The following ZNF664 variants were observed in gnomAD, a reference collection of about 807,000 sequenced individuals.
ZNF664 encodes zinc finger Organ of Corti 1.
In ZNF664, 10 loss-of-function variants were observed where a neutral mutation model predicts 18.2. The observed-to-expected ratio is 0.55, with a 90% confidence interval of 0.34 to 0.93. The LOEUF (loss-of-function observed/expected upper bound fraction) is 0.93, where lower values mean the gene tolerates loss of function less well. Among genes scored for constraint, ZNF664 ranks in the 40% least tolerant of loss-of-function variants. ZNF664 has a pLI of 0.02. For missense variants in ZNF664, 193 were observed against 319.0 expected, an observed-to-expected ratio of 0.61 and a Z score of 3.01; for synonymous variants, 119 against 104.2, an observed-to-expected ratio of 1.14 and a Z score of -0.86.
chr12:123,984,163 G>A (rs1391478657), intron 2 of ZNF664, among the ~76,000 whole-genome samples: 4 of 152,196 alleles, frequency 2.6e-5, no homozygotes, highest in African/African-American at 9.7e-5. Context: ...GCAGAGGAGA[G>A]GGGAGATGGA....
In ZNF664 at chr12:124,013,464, A is replaced by G. The variant is rs1013842659; in HGVS notation, c.*534A>G. 5.9e-6 allele frequency: 1 copy of G among 170,476 alleles called. No individual in the cohort carries two copies. The highest frequency in any genetic ancestry group is 2.4e-5 in the African/African-American group (1 of 41,468). 10.6% of individuals were successfully genotyped at this position (170,476 alleles called of 1,614,324 possible). A position where few individuals can be genotyped will look rare whatever the true frequency, so the allele number is the denominator to read the frequency against. On this transcript the variant is annotated 3_prime_UTR_variant, in exon 5 of 5. Coordinates refer to ENST00000337815, the MANE Select transcript of ZNF664 (RefSeq NM_152437.3). The stretch of plus-strand genomic sequence containing the variant: ...TATTATTTCTGAATATATGTCCTCA[A>G]AATCCCCATAAATATCCATCCCTTC...
intron 3 of ZNF664, among the ~76,000 whole-genome samples, chr12:123,994,904 G>A (rs1956929995): frequency 2.0e-5 from 3 of 152,222 alleles, no homozygotes; most frequent in Admixed American, 2.0e-4. Context: ...TATAAATTGT[G>A]AGAACATGTT....
At chr12:123,978,019 G>A (rs1204472511) in intron 2 of ZNF664, among the ~76,000 whole-genome samples, 1 of 152,152 alleles carries the variant, frequency 6.6e-6, no homozygotes, top group East Asian at 1.9e-4. Context: ...CCACTTTGCA[G>A]GTGTTATGAG....
intron 2 of ZNF664, among the ~76,000 whole-genome samples, chr12:123,984,432 A>T (rs1956801404): frequency 6.6e-6 from 1 of 152,208 alleles, no homozygotes; most frequent in East Asian, 1.9e-4. Context: ...AATCTGGAAA[A>T]ATCAGTCTTT....
In ZNF664 at chr12:124,012,225, T is replaced by A. The variant is rs1158084447; in HGVS notation, c.81T>A (p.Ala27=). 1.9e-6 allele frequency: 3 copies of A among 1,614,186 alleles called. No homozygotes were observed. Among genetic ancestry groups the A allele is most frequent in the Non-Finnish European group, 2.5e-6 (3 of 1,180,040 alleles). Residue 27 remains alanine (A), a synonymous_variant, in exon 5 of 5, where the codon GCT becomes GCA. Transcript: ENST00000337815. ...TTATGCATCAGAAAATTCACACAGC[T>A]GAGAAGCCCCATAAATGTGACAAGT... ...DLFMHQKIHT[A]EKPHKCDKCD...
At chr12:124,007,067 C>G (rs1957081231) in intron 3 of ZNF664, among the ~76,000 whole-genome samples, 1 of 152,164 alleles carries the variant, frequency 6.6e-6, no homozygotes, top group African/African-American at 2.4e-5. Context: ...ACTGGAGATC[C>G]TTGCTGTGTG....
intron 3 of ZNF664, among the ~76,000 whole-genome samples, chr12:124,002,969 C>T (rs967775841): frequency 2.0e-5 from 3 of 152,102 alleles, no homozygotes; most frequent in African/African-American, 7.2e-5. Flanking sequence ...GTAAAAGGAA[C>T]AAGGAGTGGC....
intron 3 of ZNF664, 56 bp from the exon 4 acceptor site, chr12:124,011,325 G>T (rs1957134167): frequency 1.0e-6 from 1 of 998,374 alleles, no homozygotes; most frequent in African/African-American, 1.7e-5. Flanking sequence ...ATTGTAATTG[G>T]ATTATATACT....
At chr12:123,994,692 CAA>C (rs1437887161) in intron 3 of ZNF664, among the ~76,000 whole-genome samples, 1 of 152,160 alleles carries the variant, frequency 6.6e-6, no homozygotes, top group Non-Finnish European at 1.5e-5. Flanking sequence ...CAAAACTTGA[CAA>C]GTGGTAGATG....
At chr12:123,974,246 A>G in intron 2 of ZNF664, 1 of 391,952 alleles carries the variant, frequency 2.6e-6, no homozygotes. Context: ...CCGAACTCTA[A>G]CAACTAAATC....
At chr12:123,988,558 C>G (rs959556135) in intron 3 of ZNF664, among the ~76,000 whole-genome samples, 2 of 151,978 alleles carry the variant, frequency 1.3e-5, no homozygotes, top group African/African-American at 4.8e-5. Flanking sequence ...TTTTTAAAAG[C>G]TCGGTTGCTT....
intron 3 of ZNF664, among the ~76,000 whole-genome samples, chr12:123,996,284 A>C (rs1202952692): frequency 1.3e-5 from 2 of 152,208 alleles, no homozygotes; most frequent in African/African-American, 4.8e-5. Flanking sequence ...AGTAAGTGGG[A>C]GAGCTGCAAC....
chr12:124,010,813 C>T (rs144384212), intron 3 of ZNF664, among the ~76,000 whole-genome samples: 1 of 152,260 alleles, frequency 6.6e-6, no homozygotes, highest in Non-Finnish European at 1.5e-5. Context: ...GCCGGGGGGC[C>T]TCTTTAGGTA....
In ZNF664 at chr12:124,013,626, C is replaced by T. The variant is rs1047306573; in HGVS notation, c.*696C>T. The stretch of plus-strand genomic sequence containing the variant: ...GTGTGGATTCTGCTCATCACTGTCT[C>T]TGTTAGACTTATTTTGTAGTGGCTG... On this transcript the variant is annotated 3_prime_UTR_variant, in exon 5 of 5. Transcript: ENST00000337815. 1 of 167,196 alleles carries T rather than the reference C, an allele frequency of 6.0e-6. No homozygotes were observed. The highest frequency in any genetic ancestry group is 1.5e-5 in the Non-Finnish European group (1 of 68,204). The allele number at this position is 167,196 out of a possible 1,614,324, so 10.4% of individuals were successfully genotyped here.
In ZNF664 at chr12:123,980,040, T is replaced by TAGACATATACA. The variant is rs1243907703; in HGVS notation, c.-757+6020_-757+6021insAGACATATACA. Among the ~76,000 whole-genome samples the TAGACATATACA allele has an allele frequency of 9.2e-5, 14 of 152,312 alleles. No individual in the cohort carries two copies. In the East Asian group the frequency reaches 2.7e-3, roughly 29 times the overall value. On this transcript the variant is annotated intron_variant, in intron 2 of 4. Coordinates refer to ENST00000337815, the MANE Select transcript of ZNF664 (RefSeq NM_152437.3). ...TATGTACTGACATAGCCTGTATGGA[T>TAGACATATACA]GTCTAGAATATACTGTTGAGCCAAA...
intron 3 of ZNF664, among the ~76,000 whole-genome samples, chr12:124,010,674 C>T (rs542994985): frequency 2.6e-5 from 4 of 152,288 alleles, no homozygotes; most frequent in South Asian, 4.1e-4. Flanking sequence ...CAGAGAGCAA[C>T]GCACACAGTT....
intron 2 of ZNF664, among the ~76,000 whole-genome samples, chr12:123,985,814 T>C (rs866284490): frequency 4.6e-5 from 7 of 152,236 alleles, no homozygotes; most frequent in Admixed American, 2.0e-4. Context: ...CATTAAACTT[T>C]TGGAGGCCTT....
intron 3 of ZNF664, chr12:124,005,951 C>G (rs1167625207): frequency 1.3e-5 from 2 of 152,524 alleles, no homozygotes; most frequent in East Asian, 1.9e-4. Context: ...GCAGTTCTTG[C>G]ACGGAGGTCA....
At chr12:124,007,573 G>A (rs1472773675) in intron 3 of ZNF664, among the ~76,000 whole-genome samples, 3 of 152,182 alleles carry the variant, frequency 2.0e-5, no homozygotes, top group African/African-American at 7.2e-5. Context: ...GGATTGACTG[G>A]GGAAATGAGA....
Sources: allele counts gnomAD v4.1 joint callset (sites outside exome capture counted in the v4.1 genomes callset), GRCh38; gene constraint gnomAD v4.1.1; transcripts MANE v1.5; gene names NCBI Gene and HGNC (gene_info 2026-07-23, HGNC 2026-07-21).